Variants in CCDC170 observed in about 807,000 individuals in gnomAD.
The protein encoded by CCDC170 is coiled-coil domain containing 170.
CCDC170 carries 69 observed loss-of-function variants against 72.6 expected under a neutral mutation model. The ratio of observed to expected loss-of-function variants is 0.95; its 90% CI spans 0.78 to 1.16. CCDC170 has a LOEUF of 1.16. CCDC170 is among the 50% of genes most tolerant of loss of function. The pLI is 0.00. For missense variants in CCDC170, 852 were observed against 832.5 expected, an observed-to-expected ratio of 1.02 and a Z score of -0.29; for synonymous variants, 300 against 303.9, an observed-to-expected ratio of 0.99 and a Z score of 0.13.
At chr6:151,542,524 G>T (rs1782708408) in intron 3 of CCDC170, among the ~76,000 whole-genome samples, 1 of 152,196 alleles carries the variant, frequency 6.6e-6, no homozygotes, top group South Asian at 2.1e-4. Context: ...GCCAAGCCTA[G>T]TACATAATTT....
At chr6:151,509,207 CATCT>C (rs530675671) in intron 1 of CCDC170, among the ~76,000 whole-genome samples, 4 of 141,722 alleles carry the variant, frequency 2.8e-5, no homozygotes, top group African/African-American at 5.6e-5. Flanking sequence ...CTCTCTGTCT[CATCT>C]ATCTATCTAT....
chr6:151,551,172 A>T (rs1019907890), intron 5 of CCDC170, among the ~76,000 whole-genome samples: 1 of 152,298 alleles, frequency 6.6e-6, no homozygotes, highest in Non-Finnish European at 1.5e-5. Flanking sequence ...TATTTGCTTT[A>T]TTATTTTACA....
chr6:151,595,972 T>C (rs1230132921), intron 8 of CCDC170, among the ~76,000 whole-genome samples: 1 of 152,214 alleles, frequency 6.6e-6, no homozygotes, highest in East Asian at 1.9e-4. Context: ...CGTTAGATGT[T>C]GGACAGGATT....
At chr6:151,533,611 G>A (rs997527388) in intron 1 of CCDC170, among the ~76,000 whole-genome samples, 1 of 150,920 alleles carries the variant, frequency 6.6e-6, no homozygotes, top group Non-Finnish European at 1.5e-5. Context: ...AGGTTGCAGT[G>A]AGCCGAGATT....
intron 9 of CCDC170, among the ~76,000 whole-genome samples, chr6:151,597,160 T>A (rs1157038200): frequency 1.3e-5 from 2 of 151,848 alleles, no homozygotes; most frequent in Non-Finnish European, 2.9e-5. Flanking sequence ...AGTCTCGCTC[T>A]GTTGTCCAGG....
intron 4 of CCDC170, among the ~76,000 whole-genome samples, chr6:151,546,801 A>T (rs1393014995): frequency 6.6e-6 from 1 of 152,074 alleles, no homozygotes; most frequent in Non-Finnish European, 1.5e-5. Flanking sequence ...GTGCTTCCCC[A>T]TTGCCCTGTG....
intron 1 of CCDC170, among the ~76,000 whole-genome samples, chr6:151,494,731 GCGCA>G (rs1781885384): frequency 6.6e-6 from 1 of 152,256 alleles, no homozygotes; most frequent in East Asian, 1.9e-4. Context: ...CAATGCGCGC[GCGCA>G]CACACACACG....
intron 6 of CCDC170, among the ~76,000 whole-genome samples, chr6:151,575,679 A>G (rs1267844508): frequency 1.3e-5 from 2 of 151,490 alleles, no homozygotes; most frequent in South Asian, 4.2e-4. Context: ...ACAGGCATGC[A>G]CCACCACACC....
At chr6:151,511,868 C>G (rs1782154877) in intron 1 of CCDC170, among the ~76,000 whole-genome samples, 1 of 152,108 alleles carries the variant, frequency 6.6e-6, no homozygotes, top group African/African-American at 2.4e-5. Context: ...ATTTTTGAGA[C>G]AGGGTCTCAG....
At chr6:151,545,944 A>AT (rs566754346) in intron 4 of CCDC170, among the ~76,000 whole-genome samples, 32 of 144,328 alleles carry the variant, frequency 2.2e-4, no homozygotes, top group Middle Eastern at 3.6e-3. Context: ...CCCATGCATC[A>AT]TTTTTTTTTT....
In CCDC170 at chr6:151,587,005, C is replaced by T. The variant is rs528650985; in HGVS notation, c.1293+916C>T. Reference sequence around the variant, plus strand: ...ATCACTGTGTTAGCTGGGGTGGTCTCGATCTCCTGACCTCATGATCTGCCC... The same window carrying T: ...ATCACTGTGTTAGCTGGGGTGGTCTTGATCTCCTGACCTCATGATCTGCCC... On this transcript the variant is annotated intron_variant, in intron 7 of 10. Transcript: ENST00000239374. 2.4e-3 allele frequency among the ~76,000 whole-genome samples: 371 copies of T among 152,026 alleles called. 1 individual carries two copies. Among genetic ancestry groups the T allele is most frequent in the African/African-American group, 3.3e-3 (139 of 41,520 alleles).
intron 6 of CCDC170, among the ~76,000 whole-genome samples, chr6:151,574,839 A>G (rs888136480): frequency 1.3e-5 from 2 of 152,178 alleles, no homozygotes; most frequent in Non-Finnish European, 2.9e-5. Context: ...TGTTATAAAG[A>G]TCTTAACTCA....
At chr6:151,589,013 G>A (rs1776494841) in intron 7 of CCDC170, among the ~76,000 whole-genome samples, 1 of 152,048 alleles carries the variant, frequency 6.6e-6, no homozygotes, top group South Asian at 2.1e-4. Flanking sequence ...CAGCACTTTA[G>A]GAGGCTGAGG....
At chr6:151,593,932 G>A (rs6922639) in intron 8 of CCDC170, among the ~76,000 whole-genome samples, 12,366 of 152,156 alleles carry the variant, frequency 0.081, 545 homozygotes, top group African/African-American at 0.11. Flanking sequence ...AAAATTCACA[G>A]TTTCTATTAC....
intron 3 of CCDC170, among the ~76,000 whole-genome samples, chr6:151,542,648 G>A (rs9479065): frequency 0.1 from 15,326 of 152,166 alleles, 2,482 homozygotes; most frequent in African/African-American, 0.34. Flanking sequence ...AAACCAAGTT[G>A]CAGTGAATAT....
intron 9 of CCDC170, among the ~76,000 whole-genome samples, chr6:151,601,238 C>T (rs1776704252): frequency 6.6e-6 from 1 of 152,128 alleles, no homozygotes; most frequent in African/African-American, 2.4e-5. Context: ...AAAACTTATT[C>T]ACTATCATGA....
intron 1 of CCDC170, among the ~76,000 whole-genome samples, chr6:151,526,231 CT>C (rs1057173166): frequency 2.2e-5 from 3 of 137,146 alleles, no homozygotes; most frequent in African/African-American, 2.7e-5. Context: ...TTTTCTTTTT[CT>C]TTTTTTTTGA....
At chr6:151,514,162 G>A (rs78436453) in intron 1 of CCDC170, among the ~76,000 whole-genome samples, 11,827 of 151,218 alleles carry the variant, frequency 0.078, 747 homozygotes, top group East Asian at 0.21. Context: ...TTAGCTGGGC[G>A]TGGTGGCACG....
At chr6:151,605,963 G>A (rs981625051) in intron 9 of CCDC170, among the ~76,000 whole-genome samples, 10 of 149,010 alleles carry the variant, frequency 6.7e-5, no homozygotes, top group Admixed American at 1.3e-4. Flanking sequence ...GTGCAATGGC[G>A]TGATCTCAGC....
Sources: gnomAD v4.1 joint callset for allele counts (sites outside exome capture counted in the v4.1 genomes callset) on GRCh38, gnomAD v4.1.1 for gene constraint, MANE v1.5 for transcripts, NCBI Gene and HGNC (gene_info 2026-07-23, HGNC 2026-07-21) for gene names.